L3MBTL4: variants seen among roughly 807,000 people sequenced by gnomAD.
L3MBTL4 encodes L3MBTL histone methyl-lysine binding protein 4, also known as lethal(3)malignant brain tumor-like protein 4.
A neutral mutation model predicts 84.5 loss-of-function variants in L3MBTL4; 70 were observed. The ratio of observed to expected loss-of-function variants is 0.83; its 90% CI spans 0.68 to 1.01. The LOEUF is 1.01. Among genes scored for constraint, L3MBTL4 ranks in the 50% least tolerant of loss-of-function variants. L3MBTL4 has a pLI of 0.00. For missense variants in L3MBTL4, 715 were observed against 754.8 expected (o/e 0.95, Z 0.62); for synonymous variants, 274 against 259.8 (o/e 1.05, Z -0.52).
At chr18:6,386,369 C>T (rs1031460566) in intron 1 of L3MBTL4, among the ~76,000 whole-genome samples, 1 of 152,216 alleles carries the variant, frequency 6.6e-6, no homozygotes, top group African/African-American at 2.4e-5. Context: ...ACAAGGGTCA[C>T]ATATCAAGGG....
At chr18:6,094,066 G>A (rs947865145) in intron 14 of L3MBTL4, among the ~76,000 whole-genome samples, 2 of 152,204 alleles carry the variant, frequency 1.3e-5, no homozygotes, top group African/African-American at 4.8e-5. Context: ...GTAGGTGAGA[G>A]AGGAGAGGCC....
chr18:6,330,442 C>G (rs2051970816), intron 1 of L3MBTL4, among the ~76,000 whole-genome samples: 2 of 152,236 alleles, frequency 1.3e-5, no homozygotes, highest in Non-Finnish European at 2.9e-5. Flanking sequence ...ACCCCTTCCT[C>G]CATCTTCAAA....
chr18:6,093,492 T>C lies in L3MBTL4; in HGVS notation c.1236A>G (p.Lys412=). Residue 412 remains lysine, a synonymous_variant, in exon 15 of 19, where the codon AAA becomes AAG. Coordinates refer to ENST00000317931, the MANE Select transcript of L3MBTL4 (RefSeq NM_001330559.2). ...FGCPYSDMNL[K]KEATLHDRLR... ...AACGATCGTGAAGTGTTGCCTCCTT[T>C]TTCAAGTTCATGTCTGAATACGGGC... is the stretch of plus-strand genomic sequence containing the variant. The C allele has an allele frequency of 7.4e-6, 12 of 1,613,778 alleles. No individual in the cohort carries two copies. The highest frequency in any genetic ancestry group is 1.0e-5 in the Non-Finnish European group (12 of 1,179,934).
intron 1 of L3MBTL4, chr18:6,395,280 T>C (rs341227): frequency 0.51 from 78,217 of 151,982 alleles, 20,612 homozygotes; most frequent in Middle Eastern, 0.61. Context: ...ATGATCATTA[T>C]CCATGAACTC....
intron 16 of L3MBTL4, among the ~76,000 whole-genome samples, chr18:6,002,974 A>G (rs1180205082): frequency 6.6e-6 from 1 of 151,156 alleles, no homozygotes; most frequent in Non-Finnish European, 1.5e-5. Flanking sequence ...ATCCAAAGAC[A>G]CAAACAGTTT....
At chr18:6,354,391 T>C (rs529754607) in intron 1 of L3MBTL4, among the ~76,000 whole-genome samples, 31 of 152,180 alleles carry the variant, frequency 2.0e-4, no homozygotes, top group African/African-American at 6.0e-4. Context: ...TTGACTAATA[T>C]CCCACAAGCA....
At chr18:6,092,736 C>A (rs2058501307) in intron 15 of L3MBTL4, among the ~76,000 whole-genome samples, 1 of 152,136 alleles carries the variant, frequency 6.6e-6, no homozygotes, top group Non-Finnish European at 1.5e-5. Context: ...TTATTTTACT[C>A]ATTTAGGTTA....
intron 12 of L3MBTL4, among the ~76,000 whole-genome samples, chr18:6,199,582 G>GCTAAGATC (rs763845197): frequency 6.6e-6 from 1 of 152,286 alleles, no homozygotes; most frequent in South Asian, 2.1e-4. Flanking sequence ...AAAGCTAAAA[G>GCTAAGATC]CTAAGATCCT....
At chr18:6,043,482 T>C (rs1186162764) in intron 16 of L3MBTL4, among the ~76,000 whole-genome samples, 4 of 152,172 alleles carry the variant, frequency 2.6e-5, no homozygotes, top group Admixed American at 2.0e-4. Flanking sequence ...TCATCCCTTA[T>C]ATATTAGATC....
chr18:6,063,379 C>T (rs1419575504), intron 16 of L3MBTL4, among the ~76,000 whole-genome samples: 1 of 149,764 alleles, frequency 6.7e-6, no homozygotes, highest in Non-Finnish European at 1.5e-5. Context: ...TGGGTAGATA[C>T]CCAGTAGTGG....
chr18:6,391,854 A>T (rs2055067939), intron 1 of L3MBTL4, among the ~76,000 whole-genome samples: 1 of 152,132 alleles, frequency 6.6e-6, no homozygotes, highest in Non-Finnish European at 1.5e-5. Context: ...TAAATAACAG[A>T]TGACACAACA....
chr18:6,009,682 T>C (rs1004216772), intron 16 of L3MBTL4, among the ~76,000 whole-genome samples: 17 of 152,230 alleles, frequency 1.1e-4, no homozygotes, highest in African/African-American at 4.1e-4. Context: ...GCAAATATTG[T>C]ACTGTATAGT....
chr18:6,071,819 A>AATAAG (rs879865197), intron 16 of L3MBTL4, among the ~76,000 whole-genome samples: 7 of 124,470 alleles, frequency 5.6e-5, no homozygotes, highest in Non-Finnish European at 9.4e-5. Context: ...AAGAAAGGAA[A>AATAAG]GAAAGAAAGA....
chr18:6,033,605 A>C (rs949428635), intron 16 of L3MBTL4, among the ~76,000 whole-genome samples: 3 of 152,214 alleles, frequency 2.0e-5, no homozygotes, highest in Non-Finnish European at 4.4e-5. Context: ...TGTAATTACA[A>C]TTACATTAGT....
At chr18:6,165,144 A>G (rs1157089797) in intron 13 of L3MBTL4, among the ~76,000 whole-genome samples, 1 of 152,214 alleles carries the variant, frequency 6.6e-6, no homozygotes, top group Non-Finnish European at 1.5e-5. Flanking sequence ...AAGAATAAAA[A>G]GAAATGAACA....
chr18:5,957,849 G>A, intron 18 of L3MBTL4, among the ~76,000 whole-genome samples: 1 of 151,296 alleles, frequency 6.6e-6, no homozygotes, highest in East Asian at 1.9e-4. Context: ...TGCGCCTGTA[G>A]TCCCAGCTAC....
intron 1 of L3MBTL4, among the ~76,000 whole-genome samples, chr18:6,404,755 C>T (rs930957445): frequency 2.0e-5 from 3 of 152,140 alleles, no homozygotes; most frequent in Non-Finnish European, 2.9e-5. Flanking sequence ...GGCTCAAACA[C>T]AGCTCACTGC....
intron 16 of L3MBTL4, among the ~76,000 whole-genome samples, chr18:6,020,493 A>G (rs1349633016): frequency 6.6e-6 from 1 of 152,184 alleles, no homozygotes; most frequent in Non-Finnish European, 1.5e-5. Context: ...ATTCAGTGCC[A>G]TGATTAGATT....
intron 16 of L3MBTL4, among the ~76,000 whole-genome samples, chr18:5,982,977 C>G (rs1230468453): frequency 6.6e-6 from 1 of 152,130 alleles, no homozygotes; most frequent in Non-Finnish European, 1.5e-5. Flanking sequence ...ATTGAGGAAA[C>G]CGGCTGAAGG....
Sources: allele counts gnomAD v4.1 joint callset (sites outside exome capture counted in the v4.1 genomes callset), GRCh38; gene constraint gnomAD v4.1.1; transcripts MANE v1.5; gene names NCBI Gene and HGNC (gene_info 2026-07-23, HGNC 2026-07-21).